Variants in CDK14 observed in about 807,000 individuals in gnomAD.
CDK14 encodes the protein cyclin-dependent kinase 14.
Under a neutral mutation model 60.7 loss-of-function variants are expected in CDK14, and 34 were observed. The ratio of observed to expected loss-of-function variants is 0.56; its 90% confidence interval spans 0.43 to 0.75. The LOEUF (loss-of-function observed/expected upper bound fraction) is 0.75, where lower values mean the gene tolerates loss of function less well. Ranked by LOEUF, CDK14 falls within the 30% of genes least tolerant of loss-of-function variation. CDK14 has a pLI of 0.00. For synonymous variants in CDK14, 197 were observed against 203.7 expected (o/e 0.97, Z 0.28); for missense variants, 482 against 564.1 (o/e 0.85, Z 1.47).
chr7:90,656,225 T>A (rs1800748358), intron 2 of CDK14, among the ~76,000 whole-genome samples: 1 of 152,144 alleles, frequency 6.6e-6, no homozygotes, highest in African/African-American at 2.4e-5. Flanking sequence ...GCATTTGAGT[T>A]ACAATGGGGA....
At position 91,167,044 on chromosome 7, in the gene CDK14, G is replaced by A. The variant is rs186048175; in HGVS notation, c.*29-40121G>A. On this transcript the variant is annotated intron_variant, in intron 14 of 14. Transcript: ENST00000380050. ...TAGTATAGACAAATTGTACTGTGTCGTTTTAGTTTTTATTTTAAATCCCCC... is the reference window on the plus strand; with the variant it reads ...TAGTATAGACAAATTGTACTGTGTCATTTTAGTTTTTATTTTAAATCCCCC... 1.8e-3 allele frequency among the ~76,000 whole-genome samples: 272 copies of A among 152,266 alleles called. 1 individual carries two copies. Among genetic ancestry groups the A allele is most frequent in the African/African-American group, 6.2e-3 (258 of 41,564 alleles).
chr7:90,644,500 A>G (rs565503202), intron 2 of CDK14, among the ~76,000 whole-genome samples: 2 of 152,300 alleles, frequency 1.3e-5, no homozygotes, highest in East Asian at 1.9e-4. Flanking sequence ...TAACAGCTCT[A>G]TGTAATTCAT....
intron 5 of CDK14, among the ~76,000 whole-genome samples, chr7:90,851,257 A>C (rs535660512): frequency 1.1e-3 from 167 of 152,252 alleles, no homozygotes; most frequent in Non-Finnish European, 1.9e-3. Context: ...CAATTCTGTG[A>C]GGGTTATTTC....
At chr7:90,971,821 A>T (rs767620671) in intron 9 of CDK14, among the ~76,000 whole-genome samples, 4 of 152,074 alleles carry the variant, frequency 2.6e-5, no homozygotes, top group African/African-American at 4.8e-5. Context: ...GAACATAAGG[A>T]ACATTTATGC....
At chr7:91,207,118 A>G (rs1309308249) in intron 14 of CDK14, 47 bp from the exon 15 acceptor site, 1 of 152,160 alleles carries the variant, frequency 6.6e-6, no homozygotes, top group Non-Finnish European at 1.5e-5. Context: ...GAAGAAATGA[A>G]TGGTGTAGAT....
intron 4 of CDK14, among the ~76,000 whole-genome samples, chr7:90,762,599 C>T (rs968528368): frequency 1.3e-5 from 2 of 152,154 alleles, no homozygotes; most frequent in African/African-American, 4.8e-5. Flanking sequence ...CAAGACCCAA[C>T]TATATTTTAT....
At chr7:90,630,958 T>G (rs193100855) in intron 2 of CDK14, among the ~76,000 whole-genome samples, 5 of 151,680 alleles carry the variant, frequency 3.3e-5, no homozygotes, top group Admixed American at 2.6e-4. Flanking sequence ...AGTTAATCTC[T>G]TTTATTTTCT....
intron 5 of CDK14, among the ~76,000 whole-genome samples, chr7:90,811,899 A>G (rs913646455): frequency 2.0e-5 from 3 of 152,230 alleles, no homozygotes; most frequent in African/African-American, 7.2e-5. Context: ...GAGAAATGCA[A>G]ATCAAAGCCA....
intron 10 of CDK14, among the ~76,000 whole-genome samples, chr7:91,010,829 C>CTTCCTTCCTTCCTTCCTTCCTTCCTTCT (rs1199154651): frequency 2.5e-4 from 19 of 74,820 alleles, no homozygotes; most frequent in African/African-American, 9.8e-4. Flanking sequence ...TCCTTCCTTC[C>CTTCCTTCCTTCCTTCCTTCCTTCCTTCT]TTCCTCCCTC....
intron 5 of CDK14, among the ~76,000 whole-genome samples, chr7:90,827,178 A>G (rs62468466): frequency 0.27 from 41,487 of 151,900 alleles, 5,924 homozygotes; most frequent in Middle Eastern, 0.36. Flanking sequence ...CTTTTCTAGA[A>G]TGTCATACAG....
intron 5 of CDK14, among the ~76,000 whole-genome samples, chr7:90,810,519 T>C (rs1487749080): frequency 1.3e-5 from 2 of 152,180 alleles, no homozygotes; most frequent in Non-Finnish European, 2.9e-5. Flanking sequence ...AATACCATAC[T>C]GAATGGGCAA....
chr7:90,716,734 C>T (rs541695353), intron 2 of CDK14, among the ~76,000 whole-genome samples: 40 of 151,962 alleles, frequency 2.6e-4, no homozygotes, highest in Non-Finnish European at 4.9e-4. Context: ...AAATATGTTA[C>T]CGAAGGAGTA....
At chr7:90,887,621 C>T (rs988541562) in intron 6 of CDK14, among the ~76,000 whole-genome samples, 1 of 152,142 alleles carries the variant, frequency 6.6e-6, no homozygotes, top group East Asian at 1.9e-4. Flanking sequence ...GTCTAGCTTA[C>T]AACTTTTGCC....
intron 4 of CDK14, among the ~76,000 whole-genome samples, chr7:90,780,791 C>G (rs1805283227): frequency 1.3e-5 from 2 of 152,058 alleles, no homozygotes; most frequent in African/African-American, 4.8e-5. Context: ...TTTTCTTAAT[C>G]CAGTCTATCA....
At chr7:91,007,023 A>G (rs548209333) in intron 10 of CDK14, among the ~76,000 whole-genome samples, 1 of 152,308 alleles carries the variant, frequency 6.6e-6, no homozygotes, top group Non-Finnish European at 1.5e-5. Context: ...TCAGAGCTTT[A>G]TGCACTCATA....
intron 11 of CDK14, among the ~76,000 whole-genome samples, chr7:91,077,213 A>G (rs1196389046): frequency 1.3e-5 from 2 of 152,238 alleles, no homozygotes; most frequent in African/African-American, 2.4e-5. Context: ...TTATTGCAGC[A>G]CTATTTACAA....
chr7:90,846,836 A>G (rs184614588), intron 5 of CDK14, among the ~76,000 whole-genome samples: 89 of 152,194 alleles, frequency 5.8e-4, no homozygotes, highest in Non-Finnish European at 1.2e-3. Flanking sequence ...TGGCCTCTGT[A>G]TAGGCTCCTG....
At chr7:91,174,211 C>A (rs944352074) in intron 14 of CDK14, among the ~76,000 whole-genome samples, 3 of 152,048 alleles carry the variant, frequency 2.0e-5, no homozygotes, top group East Asian at 1.9e-4. Context: ...ACACCTCACA[C>A]GGCAGGGTAT....
intron 10 of CDK14, among the ~76,000 whole-genome samples, chr7:91,012,505 C>T (rs1796191182): frequency 6.6e-6 from 1 of 152,176 alleles, no homozygotes; most frequent in Non-Finnish European, 1.5e-5. Flanking sequence ...GTGTCTTCAA[C>T]TCAGGGAGTT....
Sources: allele counts gnomAD v4.1 joint callset (sites outside exome capture counted in the v4.1 genomes callset), GRCh38; gene constraint gnomAD v4.1.1; transcripts MANE v1.5; gene names NCBI Gene and HGNC (gene_info 2026-07-23, HGNC 2026-07-21).